Variants in LRP4 observed in about 807,000 individuals in gnomAD.
The protein encoded by LRP4 is low-density lipoprotein receptor-related protein 4.
LRP4 carries 95 observed loss-of-function variants against 220.3 expected under a neutral mutation model. The observed-to-expected ratio is 0.43, with a 90% CI of 0.37 to 0.51. The LOEUF is 0.51. LRP4 is among the 20% of genes least tolerant of loss of function. The pLI, the probability that LRP4 is intolerant of heterozygous loss-of-function variation, is 0.00. For missense variants in LRP4, 1,925 were observed against 2,567.0 expected (o/e 0.75, Z 5.40); for synonymous variants, 903 against 954.6 (o/e 0.95, Z 1.00).
intron 20 of LRP4, 131 bp from the exon 21 acceptor site, chr11:46,879,446 C>T: frequency 1.2e-6 from 1 of 823,436 alleles, no homozygotes; most frequent in Non-Finnish European, 2.0e-6. Context: ...GTAAGAGCTA[C>T]TTATAAAATC....
intron 34 of LRP4, among the ~76,000 whole-genome samples, chr11:46,866,960 C>A (rs1940720631): frequency 6.6e-6 from 1 of 151,994 alleles, no homozygotes; most frequent in Non-Finnish European, 1.5e-5. Flanking sequence ...AAAAGAATGT[C>A]TCTGAATTGA....
intron 7 of LRP4, among the ~76,000 whole-genome samples, chr11:46,898,070 T>G (rs1941581700): frequency 7.0e-6 from 1 of 143,554 alleles, no homozygotes; most frequent in East Asian, 2.0e-4. Flanking sequence ...CCCACCTCCC[T>G]CCCGGACGGG....
At chr11:46,889,338 C>A (rs779325983) in intron 16 of LRP4, 73 bp downstream of exon 16, 1 of 1,593,758 alleles carries the variant, frequency 6.3e-7, no homozygotes, top group African/African-American at 1.3e-5. Context: ...AATCCCTCCA[C>A]GTCCTATCCC....
chr11:46,888,095 G>A (rs1258974962), intron 16 of LRP4, among the ~76,000 whole-genome samples: 4 of 150,724 alleles, frequency 2.7e-5, no homozygotes, highest in Admixed American at 6.6e-5. Flanking sequence ...AGGCAGAGGC[G>A]GGCAGGTCAT....
chr11:46,898,687 CACAAG>C lies in LRP4; in HGVS notation c.677-15_677-11del. On this transcript the variant is annotated splice_polypyrimidine_tract_variant and intron_variant, in intron 6 of 37. Coordinates refer to ENST00000378623, the MANE Select transcript of LRP4 (RefSeq NM_002334.4). ...CAGGGCTGGTGGGAGGCTAGGGAAACACAAGACTTCTGTCTCTAGCCAGTCTGTGC... is the reference window on the plus strand; with the variant it reads ...CAGGGCTGGTGGGAGGCTAGGGAAACACTTCTGTCTCTAGCCAGTCTGTGC... 6.2e-7 allele frequency: 1 copy of C among 1,613,822 alleles called. No homozygotes were observed. The highest frequency in any genetic ancestry group is 8.5e-7 in the Non-Finnish European group (1 of 1,180,030).
chr11:46,881,058 C>CAAAAAAAAAAAAA lies in LRP4; in HGVS notation c.2814+631_2814+643dup, dbSNP rs60125188. Among the ~76,000 whole-genome samples, 10 of 56,112 alleles carry CAAAAAAAAAAAAA rather than the reference C, an allele frequency of 1.8e-4. 1 individual carries two copies. In the East Asian group the frequency reaches 2.0e-3, roughly 11 times the overall value. 36.8% of individuals were successfully genotyped at this position (56,112 alleles called of 152,430 possible). On this transcript the variant is annotated intron_variant, in intron 20 of 37. Coordinates refer to ENST00000378623, the MANE Select transcript of LRP4 (RefSeq NM_002334.4). Reference sequence around the variant, plus strand: ...CAGCATGACCCTGCCTCTAAAAAACCAAAAAAAAAAAAAAAAAAAAAAAAA... The same window carrying CAAAAAAAAAAAAA: ...CAGCATGACCCTGCCTCTAAAAAACCAAAAAAAAAAAAAAAAAAAAAAAAAAAAAAAAAAAAAA...
At chr11:46,866,138 G>GAA (rs1208907934) in intron 34 of LRP4, among the ~76,000 whole-genome samples, 2 of 127,568 alleles carry the variant, frequency 1.6e-5, no homozygotes, top group African/African-American at 2.9e-5. Flanking sequence ...TGTTGCAGTG[G>GAA]AAAAAAAAAA....
rs1251863780 is a variant in LRP4 at position 46,859,135 on chromosome 11, A to G, written c.5566T>C (p.Ser1856Pro). ...DTVSIQASSG[S>P]LDDTETEQLL... Reference sequence around the variant, plus strand: ...TGCTCCGTCTCTGTGTCATCCAGGGAGCCAGAGCTGGCCTGGATGGACACC... The same window carrying G: ...TGCTCCGTCTCTGTGTCATCCAGGGGGCCAGAGCTGGCCTGGATGGACACC... Residue 1856 changes from serine (S) to proline (P), a missense_variant, in exon 38 of 38, where the codon TCC (serine) becomes CCC (proline). Transcript: ENST00000378623. The G allele has an allele frequency of 6.2e-7, 1 of 1,614,100 alleles. No individual in the cohort carries two copies. The highest frequency in any genetic ancestry group is 8.5e-7 in the Non-Finnish European group (1 of 1,180,024).
In LRP4 at chr11:46,876,768, G is replaced by C; in HGVS notation, c.3340C>G (p.Gln1114Glu). ...RISRANLDGS[Q>E]HEDIITTGLQ... is the part of the protein sequence containing the mutation. ...CCTGTGGTGATGATGTCCTCATGCT[G>C]TGAGCCATCCAGATTGGCACGACTG... is the stretch of plus-strand genomic sequence containing the variant. The change falls in exon 24 of 38, where the codon CAG becomes GAG. Residue 1114 changes from glutamine to glutamate, a missense_variant. By Grantham distance (29) the Gln-to-Glu change is conservative. Coordinates refer to ENST00000378623, the MANE Select transcript of LRP4 (RefSeq NM_002334.4). 6.2e-7 allele frequency: 1 copy of C among 1,614,140 alleles called. No homozygotes were observed. The highest frequency in any genetic ancestry group is 8.5e-7 in the Non-Finnish European group (1 of 1,180,034).
chr11:46,874,603 C>T (rs1940961096), intron 28 of LRP4, among the ~76,000 whole-genome samples, 197 bp downstream of exon 28: 2 of 152,140 alleles, frequency 1.3e-5, no homozygotes, highest in Admixed American at 1.3e-4. Context: ...ACATACTAGG[C>T]TTCCATATAA....
At chr11:46,910,691 T>TTTTTTTTTTTG (rs1941845071) in intron 1 of LRP4, among the ~76,000 whole-genome samples, 1 of 149,898 alleles carries the variant, frequency 6.7e-6, no homozygotes, top group Admixed American at 6.7e-5. Context: ...TTTTTTTTTT[T>TTTTTTTTTTTG]GAGGTGGAGT....
chr11:46,865,336 C>T (rs1020199228), intron 34 of LRP4, 150 bp from the exon 35 acceptor site: 1 of 703,594 alleles, frequency 1.4e-6, no homozygotes, highest in African/African-American at 1.8e-5. Context: ...GAGAGGGCAA[C>T]AACAGGAAAT....
intron 37 of LRP4, among the ~76,000 whole-genome samples, 166 bp downstream of exon 37, chr11:46,862,440 A>C (rs1940582750): frequency 6.6e-6 from 1 of 152,196 alleles, no homozygotes; most frequent in African/African-American, 2.4e-5. Flanking sequence ...GAGATTCTAG[A>C]ACTTCCCAGA....
intron 16 of LRP4, among the ~76,000 whole-genome samples, chr11:46,889,166 T>C (rs929433508): frequency 6.6e-6 from 1 of 152,164 alleles, no homozygotes; most frequent in Non-Finnish European, 1.5e-5. Context: ...AAATGATACA[T>C]GAGCCTCACT....
chr11:46,908,402 T>C (rs1941796494), intron 1 of LRP4, among the ~76,000 whole-genome samples: 1 of 152,198 alleles, frequency 6.6e-6, no homozygotes, highest in South Asian at 2.1e-4. Flanking sequence ...AAATTGCAAT[T>C]ACTTTTGCGC....
chr11:46,912,769 C>T (rs1941884231), intron 1 of LRP4, among the ~76,000 whole-genome samples: 1 of 152,224 alleles, frequency 6.6e-6, no homozygotes, highest in African/African-American at 2.4e-5. Context: ...GGATACCCTT[C>T]TCTGTACCTG....
intron 7 of LRP4, among the ~76,000 whole-genome samples, chr11:46,897,441 T>C (rs1203504756): frequency 4.7e-5 from 7 of 150,014 alleles, no homozygotes; most frequent in South Asian, 4.2e-4. Context: ...GGCAGGGTCA[T>C]AGGACAATAG....
At chr11:46,859,415 G>T in intron 37 of LRP4, 100 bp from the exon 38 acceptor site, 1 of 876,084 alleles carries the variant, frequency 1.1e-6, no homozygotes, top group Admixed American at 1.8e-5. Context: ...GAGTAGGAGT[G>T]AAGCGCACAA....
At chr11:46,878,593 C>T (rs1941074404) in intron 22 of LRP4, among the ~76,000 whole-genome samples, 1 of 152,010 alleles carries the variant, frequency 6.6e-6, no homozygotes, top group Non-Finnish European at 1.5e-5. Flanking sequence ...TTATTCCAAC[C>T]AAATCAGTAT....
Sources: allele counts gnomAD v4.1 joint callset (sites outside exome capture counted in the v4.1 genomes callset), GRCh38; gene constraint gnomAD v4.1.1; transcripts MANE v1.5; gene names NCBI Gene and HGNC (gene_info 2026-07-23, HGNC 2026-07-21).